LAMB1: variants seen among roughly 807,000 people sequenced by gnomAD.
LAMB1 encodes the protein laminin subunit beta-1.
In LAMB1, 121 loss-of-function variants were observed where a neutral mutation model predicts 222.3. That is an observed-to-expected ratio of 0.54 (90% CI 0.47 to 0.63). The LOEUF (loss-of-function observed/expected upper bound fraction) is 0.63, where lower values mean the gene tolerates loss of function less well. Among genes scored for constraint, LAMB1 ranks in the 30% least tolerant of loss-of-function variants. The pLI is 0.00. For missense variants in LAMB1, 2,172 were observed against 2,240.8 expected (o/e 0.97, Z 0.62); for synonymous variants, 794 against 807.2 (o/e 0.98, Z 0.28).
Position 107,923,847 on chromosome 7 carries a change from A to T in LAMB1, c.*104T>A. The T allele has an allele frequency of 1.9e-6, 2 of 1,075,524 alleles. No homozygotes were observed. The highest frequency in any genetic ancestry group is 2.7e-6 in the Non-Finnish European group (2 of 749,088). 66.6% of individuals were successfully genotyped at this position (1,075,524 alleles called of 1,614,324 possible). A position where few individuals can be genotyped will look rare whatever the true frequency, so the allele number is the denominator to read the frequency against. On this transcript the variant is annotated 3_prime_UTR_variant, in exon 34 of 34. Transcript: ENST00000222399. ...ATTTAACTCCATACAAAATGTGATT[A>T]AAAACATTAAATAGGTGATGTTTTA...
intron 15 of LAMB1, among the ~76,000 whole-genome samples, chr7:107,962,177 A>G: frequency 6.6e-6 from 1 of 152,138 alleles, no homozygotes; most frequent in East Asian, 1.9e-4. Context: ...TCTCTAGGAA[A>G]ACGTTTTGGT....
At chr7:107,962,770 G>T in intron 15 of LAMB1, 135 bp downstream of exon 15, 1 of 535,902 alleles carries the variant, frequency 1.9e-6, no homozygotes, top group Non-Finnish European at 3.1e-6. Flanking sequence ...CATGGAGGAG[G>T]TGAGACTATA....
intron 24 of LAMB1, among the ~76,000 whole-genome samples, chr7:107,945,023 G>A (rs1433471884): frequency 1.3e-5 from 2 of 152,196 alleles, no homozygotes; most frequent in Non-Finnish European, 2.9e-5. Flanking sequence ...GGAAAGGAGA[G>A]CATACATAGC....
At chr7:107,969,932 A>G (rs1447319933) in intron 13 of LAMB1, among the ~76,000 whole-genome samples, 1 of 152,214 alleles carries the variant, frequency 6.6e-6, no homozygotes, top group East Asian at 1.9e-4. Flanking sequence ...GGTTAGCTAC[A>G]CCATAGTCAT....
chr7:107,989,545 T>C (rs1265235061), intron 5 of LAMB1, among the ~76,000 whole-genome samples: 1 of 152,228 alleles, frequency 6.6e-6, no homozygotes, highest in African/African-American at 2.4e-5. Context: ...ATTCACTCAC[T>C]AGCTGCTTAG....
rs2034424641 is a variant in LAMB1, at chr7:108,003,148, C to T, written c.-124G>A. ...GCTCTCGCCCTGCTCCGGGAGCCCC[C>T]GAGCCCAAAGAAGGGAATTAGAAAG... On this transcript the variant is annotated 5_prime_UTR_variant, in exon 1 of 34. Transcript: ENST00000222399. 1 of 621,602 alleles carries T rather than the reference C, an allele frequency of 1.6e-6. No homozygotes were observed. The highest frequency in any genetic ancestry group is 2.5e-5 in the South Asian group (1 of 39,802). The allele number at this position is 621,602 out of a possible 1,614,324, so 38.5% of individuals were successfully genotyped here.
At chr7:107,930,408 C>T (rs1311462282) in intron 29 of LAMB1, among the ~76,000 whole-genome samples, 1 of 152,148 alleles carries the variant, frequency 6.6e-6, no homozygotes, top group Non-Finnish European at 1.5e-5. Context: ...CCTAAGATAT[C>T]CTTAGCAAAT....
intron 13 of LAMB1, among the ~76,000 whole-genome samples, chr7:107,970,737 T>C (rs1297161024): frequency 1.3e-5 from 2 of 151,992 alleles, no homozygotes; most frequent in Non-Finnish European, 2.9e-5. Flanking sequence ...CTTATTATTT[T>C]TTTTTTTTCT....
chr7:107,937,211 G>C lies in LAMB1; in HGVS notation c.3828C>G (p.Ser1276=). Residue 1276 remains serine (S), a synonymous_variant, in exon 26 of 34, where the codon TCC becomes TCG. Transcript: ENST00000222399. ...QVEVKLSDTT[S]QSNSTAKELD... is the part of the protein sequence containing the mutation. ...GTTCTTTGGCTGTGCTGTTGCTTTG[G>C]GAAGTTGTGTCAGATAATTTCACTT... 1 of 1,613,932 alleles carries C rather than the reference G, an allele frequency of 6.2e-7. No individual in the cohort carries two copies. The highest frequency in any genetic ancestry group is 1.1e-5 in the South Asian group (1 of 91,080).
chr7:107,941,040 T>TA (rs2116356959), intron 24 of LAMB1, among the ~76,000 whole-genome samples: 1 of 152,330 alleles, frequency 6.6e-6, no homozygotes, highest in African/African-American at 2.4e-5. Context: ...CTTGGGGGTG[T>TA]CTGCCATTGT....
At chr7:107,943,542 C>T (rs902044430) in intron 24 of LAMB1, among the ~76,000 whole-genome samples, 26 of 152,182 alleles carry the variant, frequency 1.7e-4, no homozygotes, top group African/African-American at 4.8e-4. Flanking sequence ...AAGTTACCCC[C>T]GAGTCACCTG....
chr7:108,001,901 G>C, intron 2 of LAMB1, 168 bp from the exon 3 acceptor site: 1 of 1,465,880 alleles, frequency 6.8e-7, no homozygotes, highest in South Asian at 1.4e-5. Flanking sequence ...GGAGAGGCTG[G>C]GAAGGCAGGG....
rs942907362 is a variant in LAMB1 at position 107,961,442 on chromosome 7, A to C, written c.1985+107T>G. On this transcript the variant is annotated intron_variant, in intron 16 of 33. Coordinates refer to ENST00000222399, the MANE Select transcript of LAMB1 (RefSeq NM_002291.3). ...ATAATTCCAAAGGAAAAAAGTCAGC[A>C]GTCAACGTCTGGCTCTGAAATGGTG... 4 of 1,570,010 alleles carry C rather than the reference A, an allele frequency of 2.5e-6. No individual in the cohort carries two copies. In the East Asian group the frequency reaches 9.0e-5, roughly 35 times the overall value.
intron 5 of LAMB1, among the ~76,000 whole-genome samples, chr7:107,994,153 T>G (rs2034238064): frequency 6.6e-6 from 1 of 152,224 alleles, no homozygotes; most frequent in Non-Finnish European, 1.5e-5. Context: ...ATGGGTTTTC[T>G]GTGAGCCAAT....
chr7:107,933,985 GA>G (rs1213231505), intron 27 of LAMB1, among the ~76,000 whole-genome samples: 4 of 151,684 alleles, frequency 2.6e-5, no homozygotes, highest in African/African-American at 9.7e-5. Flanking sequence ...TGTGATAACT[GA>G]TTTTTTTTTT....
chr7:107,931,288 T>C, intron 29 of LAMB1, 68 bp downstream of exon 29: 2 of 1,407,012 alleles, frequency 1.4e-6, no homozygotes, highest in Non-Finnish European at 2.0e-6. Context: ...AAATGGATTT[T>C]ATCTAAAATG....
At chr7:108,003,061 G>A (rs1393575731) in intron 1 of LAMB1, 50 bp downstream of exon 1, 33 of 1,395,456 alleles carry the variant, frequency 2.4e-5, no homozygotes, top group Non-Finnish European at 2.9e-5. Flanking sequence ...CGGAAGCGGG[G>A]GGTGGGCTGG....
chr7:107,952,277 G>T, intron 22 of LAMB1, 54 bp from the exon 23 acceptor site: 2 of 1,319,352 alleles, frequency 1.5e-6, no homozygotes, highest in Non-Finnish European at 2.1e-6. Flanking sequence ...ACACAGGCAT[G>T]CGGATGTTAG....
chr7:107,959,961 A>G, intron 18 of LAMB1, 127 bp from the exon 19 acceptor site: 1 of 1,300,084 alleles, frequency 7.7e-7, no homozygotes, highest in Non-Finnish European at 1.0e-6. Flanking sequence ...CATCCCTATG[A>G]TGAGCGGAAG....
Sources: gnomAD v4.1 joint callset for allele counts (sites outside exome capture counted in the v4.1 genomes callset) on GRCh38, gnomAD v4.1.1 for gene constraint, MANE v1.5 for transcripts, NCBI Gene and HGNC (gene_info 2026-07-23, HGNC 2026-07-21) for gene names.